Variants in UBR3 observed in about 807,000 individuals in gnomAD.
UBR3 encodes ubiquitin protein ligase E3 component n-recognin 3, also known as E3 ubiquitin-protein ligase UBR3.
UBR3 carries 85 observed loss-of-function variants against 243.2 expected under a neutral mutation model. That is an observed-to-expected ratio of 0.35 (90% CI 0.29 to 0.42). The LOEUF is 0.42. Among genes scored for constraint, UBR3 ranks in the 10% least tolerant of loss-of-function variants. The probability of loss-of-function intolerance (pLI) is 1.00; values close to 1 mark genes in which losing one functional copy is unlikely to be tolerated. For synonymous variants in UBR3, 748 were observed against 799.8 expected (o/e 0.94, Z 1.09); for missense variants, 1,686 against 2,300.8 (o/e 0.73, Z 5.47).
intron 22 of UBR3, among the ~76,000 whole-genome samples, chr2:169,949,058 T>C (rs962229670): frequency 2.0e-4 from 31 of 152,112 alleles, no homozygotes; most frequent in South Asian, 8.3e-4. Context: ...AAAGTTTGAT[T>C]TTTCATCCTT....
chr2:169,942,344 A>G (rs1167749912), intron 19 of UBR3, 149 bp from the exon 20 acceptor site: 1 of 731,332 alleles, frequency 1.4e-6, no homozygotes. Flanking sequence ...TGTGTAGAGA[A>G]TAGATACCTC....
At chr2:170,080,756 G>T in intron 38 of UBR3, 72 bp downstream of exon 38, 1 of 1,461,890 alleles carries the variant, frequency 6.8e-7, no homozygotes, top group Non-Finnish European at 9.2e-7. Context: ...GCTATTCCTG[G>T]CTTTGTAATT....
At position 169,888,832 on chromosome 2, in the gene UBR3, A is replaced by T. The variant is rs182401903; in HGVS notation, c.1039-2333A>T. Among the ~76,000 whole-genome samples the T allele has an allele frequency of 2.0e-5, 3 of 152,324 alleles. No individual in the cohort carries two copies. The East Asian group carries it at 5.8e-4, about 29-fold the overall frequency. ...GAACATCTGTTTGGTCACAATGAATATAGAGCTCCAGGGTTGTTTTTCTTT... is the reference window on the plus strand; with the variant it reads ...GAACATCTGTTTGGTCACAATGAATTTAGAGCTCCAGGGTTGTTTTTCTTT... On this transcript the variant is annotated intron_variant, in intron 5 of 38. Transcript: ENST00000272793.
intron 24 of UBR3, among the ~76,000 whole-genome samples, chr2:169,969,937 C>CTTT (rs34413545): frequency 1.1e-5 from 1 of 89,770 alleles, no homozygotes; most frequent in Non-Finnish European, 2.2e-5. Flanking sequence ...ATGCCTCCAG[C>CTTT]TTTTTTTTTT....
rs144144252 is a variant in UBR3 at position 169,873,198 on chromosome 2, T to A, written c.685+823T>A. On this transcript the variant is annotated intron_variant, in intron 2 of 38. Transcript: ENST00000272793. ...TTCATTTTGAAACTGTGGCACACATTTTCATCTTCTATCTCCATCCTTAAA... is the reference window on the plus strand; with the variant it reads ...TTCATTTTGAAACTGTGGCACACATATTCATCTTCTATCTCCATCCTTAAA... Among the ~76,000 whole-genome samples, 531 of 152,300 alleles carry A rather than the reference T, an allele frequency of 3.5e-3. 10 individuals carry two copies. The highest frequency in any genetic ancestry group is 0.02 in the East Asian group (104 of 5,190).
At chr2:169,936,669 C>A (rs1211986931) in intron 19 of UBR3, among the ~76,000 whole-genome samples, 1 of 151,992 alleles carries the variant, frequency 6.6e-6, no homozygotes, top group Non-Finnish European at 1.5e-5. Context: ...TATCCCTCCC[C>A]ACTCCCCCCA....
chr2:169,924,300 T>C (rs960098094), intron 13 of UBR3, 127 bp downstream of exon 13: 2 of 713,178 alleles, frequency 2.8e-6, no homozygotes, highest in Non-Finnish European at 4.5e-6. Context: ...AAAGTTGTTA[T>C]TGTATTTTTG....
chr2:169,833,617 T>C (rs1452333344), intron 1 of UBR3, among the ~76,000 whole-genome samples: 2 of 152,184 alleles, frequency 1.3e-5, no homozygotes, highest in East Asian at 3.8e-4. Context: ...TCATTCTTTT[T>C]TTAGTTTCAG....
chr2:169,847,662 T>C (rs2082527748), intron 1 of UBR3, among the ~76,000 whole-genome samples: 1 of 152,238 alleles, frequency 6.6e-6, no homozygotes, highest in South Asian at 2.1e-4. Context: ...TGTAAGTTTC[T>C]ATTTTTTCTA....
chr2:169,949,843 A>T lies in UBR3; in HGVS notation c.3323A>T (p.Tyr1108Phe). 2 of 1,573,830 alleles carry T rather than the reference A, an allele frequency of 1.3e-6. No homozygotes were observed. Among genetic ancestry groups the T allele is most frequent in the Non-Finnish European group, 8.6e-7 (1 of 1,157,718 alleles). ...CTCTCAGGAAAACAAAACTCCTACT[A>T]TCCTCCTTGGCTTGATGACATAGAA... The part of the protein sequence containing the change: ...HKLSGKQNSY[Y>F]PPWLDDIEIL... Residue 1108 changes from tyrosine (Y) to phenylalanine (F), a missense_variant, in exon 23 of 39, where the codon TAT (tyrosine) becomes TTT (phenylalanine). This residue lies in a region of UBR3 where 300 missense variants were observed against 314.4 expected (regional missense o/e 0.95). Coordinates refer to ENST00000272793, the MANE Select transcript of UBR3 (RefSeq NM_172070.4).
At chr2:169,878,902 G>A (rs968153277) in intron 5 of UBR3, among the ~76,000 whole-genome samples, 5 of 152,138 alleles carry the variant, frequency 3.3e-5, no homozygotes, top group Non-Finnish European at 7.4e-5. Flanking sequence ...TACCCGTATA[G>A]TTGTCATATG....
Position 170,023,991 on chromosome 2 carries a change from C to T in UBR3, c.4454-5355C>T, listed in dbSNP as rs112912017. On this transcript the variant is annotated intron_variant, in intron 30 of 38. Transcript: ENST00000272793. ...TGCTGGGATTACAGGCATGAGCCAC[C>T]GCGCCTGGCAGAAAGTCTTTGGGAT... Among the ~76,000 whole-genome samples, 1,002 of 152,258 alleles carry T rather than the reference C, an allele frequency of 6.6e-3. 11 individuals carry two copies. Among genetic ancestry groups the T allele is most frequent in the African/African-American group, 0.022 (925 of 41,550 alleles).
At chr2:169,853,903 C>A (rs1417525118) in intron 1 of UBR3, among the ~76,000 whole-genome samples, 1 of 151,898 alleles carries the variant, frequency 6.6e-6, no homozygotes, top group African/African-American at 2.4e-5. Context: ...TTTAAAAATT[C>A]TAGTCTTGGG....
chr2:170,007,151 G>A lies in UBR3; in HGVS notation c.4191G>A (p.Lys1397=). 1 of 1,611,716 alleles carries A rather than the reference G, an allele frequency of 6.2e-7. No individual in the cohort carries two copies. Among genetic ancestry groups the A allele is most frequent in the Non-Finnish European group, 8.5e-7 (1 of 1,179,018 alleles). The change falls in exon 28 of 39, where the codon AAG becomes AAA. Residue 1397 remains lysine (K), a synonymous_variant. Coordinates refer to ENST00000272793, the MANE Select transcript of UBR3 (RefSeq NM_172070.4). ...PSNKSIQDLI[K]EVEELQGRPG... The stretch of plus-strand genomic sequence containing the variant: ...ACAAAAGCATACAAGATCTCATAAA[G>A]GAAGTGGAGGAGCTGCAGGGACGAC...
intron 10 of UBR3, among the ~76,000 whole-genome samples, chr2:169,906,542 A>G (rs1346499879): frequency 6.6e-6 from 1 of 151,948 alleles, no homozygotes; most frequent in African/African-American, 2.4e-5. Flanking sequence ...TGGTTGTTAT[A>G]TAATGTATAT....
intron 24 of UBR3, among the ~76,000 whole-genome samples, chr2:169,971,418 G>A (rs1471300649): frequency 6.7e-6 from 1 of 149,664 alleles, no homozygotes. Context: ...TGTCCTGAAT[G>A]GTAATGCCTA....
At chr2:169,961,419 G>A (rs1386516741) in intron 24 of UBR3, among the ~76,000 whole-genome samples, 1 of 152,162 alleles carries the variant, frequency 6.6e-6, no homozygotes, top group Non-Finnish European at 1.5e-5. Flanking sequence ...CTGAGCTCAA[G>A]CAGACCTCCC....
chr2:170,047,448 G>T (rs77743408), intron 32 of UBR3, among the ~76,000 whole-genome samples: 2,432 of 152,154 alleles, frequency 0.016, 34 homozygotes, highest in Non-Finnish European at 0.024. Flanking sequence ...TTTTCAAAAG[G>T]ATTTTGACCT....
chr2:169,908,850 G>A (rs2085127665), intron 10 of UBR3, among the ~76,000 whole-genome samples: 1 of 134,038 alleles, frequency 7.5e-6, no homozygotes, highest in South Asian at 2.4e-4. Flanking sequence ...TTGAGACGTA[G>A]TCTTGCTCTG....
Sources: gnomAD v4.1 joint callset for allele counts (sites outside exome capture counted in the v4.1 genomes callset) on GRCh38, gnomAD v4.1.1 for gene constraint, gnomAD v4.1.1 regional missense constraint, MANE v1.5 for transcripts, NCBI Gene and HGNC (gene_info 2026-07-23, HGNC 2026-07-21) for gene names.